Variants in UTP4 observed in about 807,000 individuals in gnomAD.
UTP4 encodes the protein UTP4 small subunit processome component.
Under a neutral mutation model 82.4 loss-of-function variants are expected in UTP4, and 45 were observed. The observed-to-expected ratio is 0.55, with a 90% CI of 0.43 to 0.70. The LOEUF is 0.70. Ranked by LOEUF, UTP4 falls within the 30% of genes least tolerant of loss-of-function variation. The pLI, the probability that UTP4 is intolerant of heterozygous loss-of-function variation, is 0.00. For synonymous variants in UTP4, 348 were observed against 300.3 expected, an observed-to-expected ratio of 1.16 and a Z score of -1.64; for missense variants, 819 against 858.3, an observed-to-expected ratio of 0.95 and a Z score of 0.57.
chr16:69,147,181 TAATA>T (rs1963139958), intron 6 of UTP4, among the ~76,000 whole-genome samples: 1 of 77,812 alleles, frequency 1.3e-5, no homozygotes, highest in Non-Finnish European at 2.7e-5. Flanking sequence ...CAGCTCAAAA[TAATA>T]ATAATAATAA....
intron 2 of UTP4, 104 bp downstream of exon 2, chr16:69,133,722 G>C: frequency 8.1e-7 from 1 of 1,238,562 alleles, no homozygotes; most frequent in Non-Finnish European, 1.2e-6. Flanking sequence ...TGACTTCCTA[G>C]CCCCTCTGAA....
rs756514793 is a variant in UTP4, at chr16:69,165,546, C to T, written c.1833+20C>T. ...TCATTGGTGAGTTCTTCACTGCTACCTCCCAAATCTTCTTCTGAATCTTAA... is the reference window on the plus strand; with the variant it reads ...TCATTGGTGAGTTCTTCACTGCTACTTCCCAAATCTTCTTCTGAATCTTAA... On this transcript the variant is annotated intron_variant, in intron 15 of 16. Transcript: ENST00000314423. 1 of 1,597,804 alleles carries T rather than the reference C, an allele frequency of 6.3e-7. No homozygotes were observed. The highest frequency in any genetic ancestry group is 1.3e-5 in the African/African-American group (1 of 74,690).
Position 69,164,742 on chromosome 16 carries a change from A to G in UTP4, c.1648-599A>G, listed in dbSNP as rs75260774. 5.0e-3 allele frequency among the ~76,000 whole-genome samples: 754 copies of G among 151,936 alleles called. 4 individuals carry two copies. Among genetic ancestry groups the G allele is most frequent in the African/African-American group, 0.018 (735 of 41,452 alleles). ...CTAATGTCCATTAAGCAGAGTGGAT[A>G]AGTAAATCATGATACATGGACAAAA... On this transcript the variant is annotated intron_variant, in intron 14 of 16. Coordinates refer to ENST00000314423, the MANE Select transcript of UTP4 (RefSeq NM_032830.3).
chr16:69,160,524 G>C, intron 13 of UTP4, 62 bp downstream of exon 13: 1 of 1,201,854 alleles, frequency 8.3e-7, no homozygotes, highest in Non-Finnish European at 1.2e-6. Flanking sequence ...TCACCCTGCA[G>C]TTACAAGATT....
chr16:69,167,326 AGGCT>A (rs935205612), intron 16 of UTP4, 141 bp downstream of exon 16: 9 of 686,866 alleles, frequency 1.3e-5, no homozygotes, highest in Non-Finnish European at 2.4e-5. Flanking sequence ...CACCTTTTTG[AGGCT>A]GGCTGTCCCT....
At chr16:69,162,953 T>A (rs1963601783) in intron 13 of UTP4, 130 bp from the exon 14 acceptor site, 2 of 772,830 alleles carry the variant, frequency 2.6e-6, no homozygotes. Context: ...TGCCTGAAAT[T>A]TTTGGAACTT....
At chr16:69,156,128 T>C (rs1183560336) in intron 11 of UTP4, 135 bp downstream of exon 11, 6 of 854,322 alleles carry the variant, frequency 7.0e-6, no homozygotes, top group African/African-American at 1.7e-5. Flanking sequence ...AAGGCTGTTA[T>C]GAAACAGTGT....
intron 14 of UTP4, among the ~76,000 whole-genome samples, chr16:69,164,093 C>T (rs1257895752): frequency 6.6e-6 from 1 of 151,920 alleles, no homozygotes; most frequent in African/African-American, 2.4e-5. Context: ...ACCATGTTAG[C>T]CAGGATGGTC....
chr16:69,134,448 A>G (rs1163797905), intron 2 of UTP4, among the ~76,000 whole-genome samples: 1 of 151,880 alleles, frequency 6.6e-6, no homozygotes, highest in Non-Finnish European at 1.5e-5. Context: ...CCTGTAAAAT[A>G]AATATGATAA....
At chr16:69,143,894 T>C (rs1963035733) in intron 6 of UTP4, among the ~76,000 whole-genome samples, 1 of 151,852 alleles carries the variant, frequency 6.6e-6, no homozygotes, top group Non-Finnish European at 1.5e-5. Flanking sequence ...GTTCTTTTTT[T>C]TTCTTTTTTT....
intron 9 of UTP4, 89 bp downstream of exon 9, chr16:69,153,769 A>G: frequency 1.2e-6 from 1 of 849,682 alleles, no homozygotes; most frequent in Non-Finnish European, 2.0e-6. Flanking sequence ...TTATAGAAAA[A>G]CTGAAGTAGA....
At chr16:69,155,595 T>C (rs1333120176) in intron 10 of UTP4, among the ~76,000 whole-genome samples, 1 of 152,194 alleles carries the variant, frequency 6.6e-6, no homozygotes, top group Non-Finnish European at 1.5e-5. Flanking sequence ...CTGCTCAGGT[T>C]TCTGAAGTTG....
chr16:69,165,203 A>G, intron 14 of UTP4, 138 bp from the exon 15 acceptor site: 1 of 742,324 alleles, frequency 1.3e-6, no homozygotes, highest in Admixed American at 2.6e-5. Flanking sequence ...TCAAAAAAAA[A>G]AAAAAGTGTT....
intron 11 of UTP4, among the ~76,000 whole-genome samples, chr16:69,156,233 C>G (rs968425666): frequency 6.7e-6 from 1 of 150,190 alleles, no homozygotes; most frequent in Admixed American, 6.7e-5. Context: ...TGGCCCACTG[C>G]AACCTCCGCC....
chr16:69,165,520 G>A lies in UTP4; in HGVS notation c.1827G>A (p.Lys609=), dbSNP rs1963680229. 6.2e-7 allele frequency: 1 copy of A among 1,613,626 alleles called. No individual in the cohort carries two copies. The highest frequency in any genetic ancestry group is 1.1e-5 in the South Asian group (1 of 91,086). Residue 609 remains lysine (K), a synonymous_variant, in exon 15 of 17, where the codon AAG becomes AAA. Transcript: ENST00000314423. The part of the protein sequence containing the change: ...HDAYMFCIID[K]SLPLPNDKTL... ...CCTACATGTTCTGCATCATTGACAA[G>A]TCATTGGTGAGTTCTTCACTGCTAC...
chr16:69,164,586 T>TTATATATATATATATATATATATA (rs58927210), intron 14 of UTP4, among the ~76,000 whole-genome samples: 10 of 132,506 alleles, frequency 7.5e-5, no homozygotes, highest in African/African-American at 2.8e-4. Flanking sequence ...TAATCATTCT[T>TTATATATATATATATATATATATA]TATATATATA....
intron 12 of UTP4, among the ~76,000 whole-genome samples, chr16:69,157,535 A>G (rs770836579): frequency 1.3e-5 from 2 of 152,180 alleles, no homozygotes; most frequent in Non-Finnish European, 2.9e-5. Flanking sequence ...AGTTAAAGTC[A>G]TTTGCAATCC....
At chr16:69,156,463 CT>C (rs895380237) in intron 11 of UTP4, among the ~76,000 whole-genome samples, 454 of 117,288 alleles carry the variant, frequency 3.9e-3, no homozygotes, top group Middle Eastern at 0.023. Context: ...CGCACCCAGC[CT>C]TTTTTTTTTT....
At chr16:69,156,765 G>A (rs1963426456) in intron 11 of UTP4, among the ~76,000 whole-genome samples, 2 of 152,190 alleles carry the variant, frequency 1.3e-5, no homozygotes. Context: ...CCCACACCCA[G>A]CCTTTATTTC....
Sources: allele counts gnomAD v4.1 joint callset (sites outside exome capture counted in the v4.1 genomes callset), GRCh38; gene constraint gnomAD v4.1.1; transcripts MANE v1.5; gene names NCBI Gene and HGNC (gene_info 2026-07-23, HGNC 2026-07-21).